Variants in PHACTR3 observed in about 807,000 individuals in gnomAD.
PHACTR3 encodes protein phosphatase 1, regulatory subunit 123.
A neutral mutation model predicts 66.8 loss-of-function variants in PHACTR3; 16 were observed. That is an observed-to-expected ratio of 0.24 (90% confidence interval 0.16 to 0.36). The LOEUF is 0.36. Ranked by LOEUF, PHACTR3 falls within the 10% of genes least tolerant of loss-of-function variation. The pLI is 1.00. For synonymous variants in PHACTR3, 323 were observed against 292.1 expected, an observed-to-expected ratio of 1.11 and a Z score of -1.08; for missense variants, 647 against 719.9, an observed-to-expected ratio of 0.90 and a Z score of 1.16.
At chr20:59,825,764 T>G (rs994253682) in intron 8 of PHACTR3, among the ~76,000 whole-genome samples, 4 of 151,966 alleles carry the variant, frequency 2.6e-5, no homozygotes, top group African/African-American at 7.2e-5. Context: ...AGGCGCTGGG[T>G]GGGAATCAGC....
intron 1 of PHACTR3, among the ~76,000 whole-genome samples, chr20:59,734,936 C>T (rs1377233014): frequency 6.6e-6 from 1 of 152,064 alleles, no homozygotes; most frequent in African/African-American, 2.4e-5. Flanking sequence ...GTTGCTTCCT[C>T]TGCTATTATA....
chr20:59,652,853 TA>T (rs1011658855), intron 1 of PHACTR3, among the ~76,000 whole-genome samples: 8 of 152,158 alleles, frequency 5.3e-5, no homozygotes, highest in African/African-American at 1.7e-4. Flanking sequence ...AAAATCGGGA[TA>T]TTTTTATAGA....
intron 8 of PHACTR3, among the ~76,000 whole-genome samples, chr20:59,835,160 G>C (rs925386913): frequency 6.6e-6 from 1 of 152,212 alleles, no homozygotes; most frequent in Admixed American, 6.5e-5. Flanking sequence ...GTCATCTCCT[G>C]AGTGCTTGAA....
intron 1 of PHACTR3, among the ~76,000 whole-genome samples, chr20:59,681,243 G>T (rs2036633429): frequency 1.3e-5 from 2 of 152,170 alleles, no homozygotes; most frequent in African/African-American, 4.8e-5. Flanking sequence ...CTGTGGGCTG[G>T]CTGTCTTGGA....
At chr20:59,781,045 G>A (rs2040707086) in intron 7 of PHACTR3, among the ~76,000 whole-genome samples, 1 of 152,214 alleles carries the variant, frequency 6.6e-6, no homozygotes, top group Non-Finnish European at 1.5e-5. Flanking sequence ...CAGGCATGAA[G>A]CAAAGTTTAG....
At chr20:59,670,612 G>GGGGGC in intron 1 of PHACTR3, among the ~76,000 whole-genome samples, 1 of 135,408 alleles carries the variant, frequency 7.4e-6, no homozygotes, top group East Asian at 2.5e-4. Flanking sequence ...GGGTGGGGGG[G>GGGGGC]GGGGGCAGGC....
chr20:59,763,195 C>T (rs1413204804), intron 4 of PHACTR3, among the ~76,000 whole-genome samples: 2 of 152,196 alleles, frequency 1.3e-5, no homozygotes, highest in Non-Finnish European at 2.9e-5. Context: ...GAGACTCTTC[C>T]CCCTTCACTT....
upstream of PHACTR3, among the ~76,000 whole-genome samples, chr20:59,602,914 C>A (rs2033521368): frequency 6.6e-6 from 1 of 152,344 alleles, no homozygotes; most frequent in African/African-American, 2.4e-5. Context: ...TGTGGCCCAG[C>A]TCTTCCACGT....
At chr20:59,842,512 ATATACCCC>A (rs1166333340) in intron 11 of PHACTR3, among the ~76,000 whole-genome samples, 1 of 152,134 alleles carries the variant, frequency 6.6e-6, no homozygotes, top group Non-Finnish European at 1.5e-5. Context: ...TATGAGAATA[ATATACCCC>A]TAAAGTTCTT....
chr20:59,703,441 T>G (rs1185610330), intron 1 of PHACTR3, among the ~76,000 whole-genome samples: 8 of 152,208 alleles, frequency 5.3e-5, no homozygotes, highest in Non-Finnish European at 1.0e-4. Flanking sequence ...CTTCAGATAA[T>G]GCACAACCAG....
Position 59,743,126 on chromosome 20 carries a change from C to T in PHACTR3, c.138C>T (p.Pro46=), listed in dbSNP as rs139461264. The change falls in exon 2 of 13, where the codon CCC becomes CCT. Residue 46 remains proline, a synonymous_variant. Coordinates refer to ENST00000371015, the MANE Select transcript of PHACTR3 (RefSeq NM_080672.5). ...TTCCAGATGAGATGGACCAAACGCC[C>T]CCGGCGCGTCCTGAATATCTGGTCT... ...GENPDEMDQT[P]PARPEYLVSG... 71 of 1,613,694 alleles carry T rather than the reference C, an allele frequency of 4.4e-5. No individual in the cohort carries two copies. The highest frequency in any genetic ancestry group is 1.7e-4 in the Middle Eastern group (1 of 6,042).
At chr20:59,782,286 C>T (rs952853673) in intron 7 of PHACTR3, among the ~76,000 whole-genome samples, 1 of 151,992 alleles carries the variant, frequency 6.6e-6, no homozygotes, top group Non-Finnish European at 1.5e-5. Context: ...GAGTCTTGCT[C>T]TGTTGCCCAG....
At chr20:59,727,311 A>G (rs1416720219) in intron 1 of PHACTR3, among the ~76,000 whole-genome samples, 1 of 151,982 alleles carries the variant, frequency 6.6e-6, no homozygotes, top group Non-Finnish European at 1.5e-5. Context: ...CATGGTCTGG[A>G]TAGACTATAC....
chr20:59,638,492 GGATA>G (rs1274675077), intron 1 of PHACTR3, among the ~76,000 whole-genome samples: 2 of 141,054 alleles, frequency 1.4e-5, no homozygotes, highest in African/African-American at 5.2e-5. Context: ...ATGGATGGAT[GGATA>G]GATTGATTGG....
intron 7 of PHACTR3, among the ~76,000 whole-genome samples, chr20:59,800,425 A>G (rs1209680798): frequency 6.6e-6 from 1 of 152,134 alleles, no homozygotes; most frequent in Non-Finnish European, 1.5e-5. Flanking sequence ...TTTTCCAAGT[A>G]TGGAATTCCG....
chr20:59,615,775 A>C (rs1279266652), intron 1 of PHACTR3, among the ~76,000 whole-genome samples: 1 of 152,226 alleles, frequency 6.6e-6, no homozygotes, highest in Non-Finnish European at 1.5e-5. Context: ...ACCTTCACTT[A>C]TGCTGATTCT....
intron 1 of PHACTR3, among the ~76,000 whole-genome samples, chr20:59,737,911 C>T (rs1383277763): frequency 6.6e-6 from 1 of 152,168 alleles, no homozygotes; most frequent in Non-Finnish European, 1.5e-5. Context: ...AGTGCTCCCT[C>T]GCCAGCCCTC....
At chr20:59,786,146 C>T (rs1242988575) in intron 7 of PHACTR3, among the ~76,000 whole-genome samples, 1 of 152,242 alleles carries the variant, frequency 6.6e-6, no homozygotes, top group Non-Finnish European at 1.5e-5. Context: ...GGCTGGGATC[C>T]TCCCCTTTGC....
rs1052952892 is a variant in PHACTR3, at chr20:59,830,699, A to G, written c.1329-5806A>G. Among the ~76,000 whole-genome samples the G allele has an allele frequency of 6.6e-6, 1 of 151,930 alleles. No individual in the cohort carries two copies. Among genetic ancestry groups the G allele is most frequent in the Non-Finnish European group, 1.5e-5 (1 of 67,974 alleles). ...AATGATGCCACCTATTTGTGTGTCA[A>G]CCTCCTCCTGTATTTAGTGTTCTCG... On this transcript the variant is annotated intron_variant, in intron 8 of 12. Transcript: ENST00000371015. This position sits in a 1 kb window ranked among gnomAD's most constrained non-coding sequence, Gnocchi z 5.8.
Sources: allele counts gnomAD v4.1 joint callset (sites outside exome capture counted in the v4.1 genomes callset), GRCh38; gene constraint gnomAD v4.1.1; non-coding constraint Gnocchi (gnomAD v3.1); transcripts MANE v1.5; gene names NCBI Gene and HGNC (gene_info 2026-07-23, HGNC 2026-07-21).